The following GRIP2 variants were observed in gnomAD, a reference collection of about 807,000 sequenced individuals.
The protein encoded by GRIP2 is glutamate receptor interacting protein 2, also known as glutamate receptor-interacting protein 2.
Under a neutral mutation model 108.3 loss-of-function variants are expected in GRIP2, and 58 were observed. The observed-to-expected ratio is 0.54, with a 90% CI of 0.43 to 0.67. The LOEUF (loss-of-function observed/expected upper bound fraction) is 0.67. Ranked by LOEUF, GRIP2 falls within the 30% of genes least tolerant of loss-of-function variation. The pLI, the probability that GRIP2 is intolerant of heterozygous loss-of-function variation, is 0.00. For missense variants in GRIP2, 1,278 were observed against 1,430.6 expected (o/e 0.89, Z 1.72); for synonymous variants, 586 against 598.2 (o/e 0.98, Z 0.30).
chr3:14,498,546 G>T (rs1693679113), intron 21 of GRIP2, among the ~76,000 whole-genome samples: 1 of 152,176 alleles, frequency 6.6e-6, no homozygotes, highest in African/African-American at 2.4e-5. Flanking sequence ...TATTGAATGA[G>T]GAGGCAGAGA....
At chr3:14,526,023 G>A (rs1322257011) in intron 1 of GRIP2, 92 bp from the exon 2 acceptor site, 4 of 1,151,218 alleles carry the variant, frequency 3.5e-6, no homozygotes, top group East Asian at 2.6e-5. Context: ...CTCTGTGGAC[G>A]TGGCCTGTAA....
At chr3:14,543,490 G>A (rs1194988403), upstream of GRIP2, among the ~76,000 whole-genome samples, 3 of 152,224 alleles carry the variant, frequency 2.0e-5, no homozygotes, top group African/African-American at 7.2e-5. Context: ...TCTGGGAGGC[G>A]GCCTAGGAAT....
chr3:14,512,398 A>G lies in GRIP2; in HGVS notation c.1720+379T>C, dbSNP rs1309306526. Among the ~76,000 whole-genome samples the G allele has an allele frequency of 2.0e-5, 3 of 152,186 alleles. No individual in the cohort carries two copies. The highest frequency in any genetic ancestry group is 2.9e-5 in the Non-Finnish European group (2 of 68,028). ...CCTCATTTTCATTCCTTTGACAAAC[A>G]TGAATTAAGCACCTACTGTGTTCCA... On this transcript the variant is annotated intron_variant, in intron 14 of 23. Transcript: ENST00000621039. The surrounding 1 kb of genome is among the most constrained non-coding windows in gnomAD (Gnocchi z 5.1).
Position 14,532,287 on chromosome 3 carries a change from G to T in GRIP2, c.41-6356C>A, listed in dbSNP as rs368737377. On this transcript the variant is annotated intron_variant, in intron 1 of 23. Coordinates refer to ENST00000621039, the MANE Select transcript of GRIP2 (RefSeq NM_001080423.4). ...TCTGCTCCAGCCAGGTCTTTTTCAT[G>T]AGGGGAGGGTCTGATTAGGGTTCAG... Among the ~76,000 whole-genome samples the T allele has an allele frequency of 4.6e-5, 7 of 152,262 alleles. 1 individual carries two copies. In the East Asian group the frequency reaches 1.2e-3, roughly 25 times the overall value.
At chr3:14,557,281 A>C (rs780836080), upstream of GRIP2, among the ~76,000 whole-genome samples, 1 of 152,240 alleles carries the variant, frequency 6.6e-6, no homozygotes, top group Non-Finnish European at 1.5e-5. Flanking sequence ...CGAGGAAGTG[A>C]TTCCCTTCTC....
chr3:14,599,681 CTCTCTG>C, the GRIP2 span, among the ~76,000 whole-genome samples: 27,776 of 129,734 alleles, frequency 0.21, 2,774 homozygotes, highest in East Asian at 0.42. Flanking sequence ...CTCTCTCTCT[CTCTCTG>C]TGTGTGTGTG....
the GRIP2 span, among the ~76,000 whole-genome samples, chr3:14,595,468 T>C: frequency 6.6e-6 from 1 of 151,778 alleles, no homozygotes; most frequent in African/African-American, 2.4e-5. Context: ...CACTTTCTCC[T>C]CCATTTTTAA....
At chr3:14,524,057 C>A in intron 4 of GRIP2, 1 of 490,714 alleles carries the variant, frequency 2.0e-6, no homozygotes, top group South Asian at 2.8e-5. Context: ...AACCCTACAC[C>A]ACCGTTACTT....
At chr3:14,588,769 G>A in the GRIP2 span, among the ~76,000 whole-genome samples, 1 of 152,178 alleles carries the variant, frequency 6.6e-6, no homozygotes, top group African/African-American at 2.4e-5. Flanking sequence ...GATGAGAGAG[G>A]GGAAGCATTT....
chr3:14,512,560 A>G lies in GRIP2; in HGVS notation c.1720+217T>C, dbSNP rs754540520. On this transcript the variant is annotated intron_variant, in intron 14 of 23. Transcript: ENST00000621039. This position sits in a 1 kb window ranked among gnomAD's most constrained non-coding sequence, Gnocchi z 5.1. ...AGACCCACGAGGCCAGGGGACTGCC[A>G]TGGTGCAGAACGGGAAGCTGAAGCT... 8.5e-5 allele frequency among the ~76,000 whole-genome samples: 13 copies of G among 152,176 alleles called. No homozygotes were observed. Among genetic ancestry groups the G allele is most frequent in the Non-Finnish European group, 1.8e-4 (12 of 68,020 alleles).
In GRIP2 at chr3:14,507,735, A is replaced by G; in HGVS notation, c.2079-35T>C. On this transcript the variant is annotated intron_variant, in intron 17 of 23. Coordinates refer to ENST00000621039, the MANE Select transcript of GRIP2 (RefSeq NM_001080423.4). This position sits in a 1 kb window ranked among gnomAD's most constrained non-coding sequence, Gnocchi z 4.6. ...GGATGCAGGGCAGAGAATGGGAGTTAGACACTCAGGGCCTCAGAGTGGCAG... is the reference window on the plus strand; with the variant it reads ...GGATGCAGGGCAGAGAATGGGAGTTGGACACTCAGGGCCTCAGAGTGGCAG... 1.9e-6 allele frequency: 3 copies of G among 1,600,104 alleles called. No individual in the cohort carries two copies. Among genetic ancestry groups the G allele is most frequent in the Non-Finnish European group, 2.6e-6 (3 of 1,168,316 alleles).
chr3:14,496,687 T>G, intron 21 of GRIP2, 127 bp from the exon 22 acceptor site: 3 of 1,298,670 alleles, frequency 2.3e-6, no homozygotes, highest in Non-Finnish European at 3.1e-6. Flanking sequence ...ACATGGTCCC[T>G]GCCCATTGGG....
chr3:14,508,495 C>G (rs1693991340), intron 17 of GRIP2, among the ~76,000 whole-genome samples: 1 of 152,138 alleles, frequency 6.6e-6, no homozygotes, highest in African/African-American at 2.4e-5. Context: ...GGTCAGGGGT[C>G]TTTAACCTCT....
At chr3:14,573,354 C>T in the GRIP2 span, 6 of 1,349,616 alleles carry the variant, frequency 4.4e-6, no homozygotes, top group Non-Finnish European at 6.3e-6. Context: ...GTGGTGCCAC[C>T]CTGCCAGCTT....
the GRIP2 span, chr3:14,572,840 G>T: frequency 9.2e-7 from 1 of 1,091,616 alleles, no homozygotes; most frequent in Non-Finnish European, 1.4e-6. Context: ...CCTGGAGCCC[G>T]CAGCCAGCTC....
At chr3:14,548,289 C>T (rs1695087711) in intron 1 of GRIP2, among the ~76,000 whole-genome samples, 1 of 152,138 alleles carries the variant, frequency 6.6e-6, no homozygotes, top group South Asian at 2.1e-4. Context: ...GTCACCGAAT[C>T]GGGGCATTCC....
At chr3:14,554,276 C>T (rs1201014225) in intron 1 of GRIP2, among the ~76,000 whole-genome samples, 1 of 152,208 alleles carries the variant, frequency 6.6e-6, no homozygotes, top group East Asian at 1.9e-4. Context: ...ACAAGCATTT[C>T]CTGCATCTCC....
intron 16 of GRIP2, among the ~76,000 whole-genome samples, chr3:14,510,628 TCA>T (rs1575001567): frequency 6.6e-6 from 1 of 152,192 alleles, no homozygotes; most frequent in Non-Finnish European, 1.5e-5. Context: ...TAACCTTCTT[TCA>T]CAGAGTCGGA....
chr3:14,575,898 T>C, the GRIP2 span, among the ~76,000 whole-genome samples: 383 of 152,358 alleles, frequency 2.5e-3, 1 homozygote, highest in African/African-American at 8.1e-3. Flanking sequence ...GCATGGAGGC[T>C]GTGCCCCCTT....
Sources: gnomAD v4.1 joint callset for allele counts (sites outside exome capture counted in the v4.1 genomes callset) on GRCh38, gnomAD v4.1.1 for gene constraint, Gnocchi (gnomAD v3.1) non-coding constraint, MANE v1.5 for transcripts, NCBI Gene and HGNC (gene_info 2026-07-23, HGNC 2026-07-21) for gene names.